The following PRKG1 variants were observed in gnomAD, a reference collection of about 807,000 sequenced individuals.
PRKG1 encodes the protein cGMP-dependent protein kinase 1.
PRKG1 carries 35 observed loss-of-function variants against 88.1 expected under a neutral mutation model. That is an observed-to-expected ratio of 0.40 (90% CI 0.30 to 0.53). The LOEUF (loss-of-function observed/expected upper bound fraction) is 0.53, where lower values mean the gene tolerates loss of function less well. PRKG1 is among the 20% of genes least tolerant of loss of function. PRKG1 has a pLI of 0.59. For synonymous variants in PRKG1, 303 were observed against 292.5 expected (o/e 1.04, Z -0.37); for missense variants, 540 against 839.8 (o/e 0.64, Z 4.41).
At chr10:51,084,713 C>A (rs933014545) in intron 1 of PRKG1, among the ~76,000 whole-genome samples, 42 of 152,084 alleles carry the variant, frequency 2.8e-4, no homozygotes, top group African/African-American at 9.9e-4. Context: ...TATTTAGTGT[C>A]ATTTTCTCAC....
intron 3 of PRKG1, among the ~76,000 whole-genome samples, chr10:51,719,466 T>G (rs1762515730): frequency 6.6e-6 from 1 of 152,174 alleles, no homozygotes; most frequent in South Asian, 2.1e-4. Context: ...TGAGGGACAT[T>G]ATACAAAATA....
At chr10:51,787,489 A>G (rs764351762) in intron 3 of PRKG1, among the ~76,000 whole-genome samples, 3 of 152,170 alleles carry the variant, frequency 2.0e-5, no homozygotes, top group Non-Finnish European at 4.4e-5. Context: ...ATTACCCAGC[A>G]TGGTAGTTCC....
At chr10:52,279,811 A>G (rs1474390904) in intron 12 of PRKG1, among the ~76,000 whole-genome samples, 2 of 152,042 alleles carry the variant, frequency 1.3e-5, no homozygotes, top group Non-Finnish European at 2.9e-5. Context: ...TGATGTTCAC[A>G]CTAATATTTT....
Position 51,413,321 on chromosome 10 carries a change from A to G in PRKG1, c.479-54402A>G, listed in dbSNP as rs958154297. Among the ~76,000 whole-genome samples the G allele has an allele frequency of 3.3e-5, 5 of 151,838 alleles. No individual in the cohort carries two copies. The Admixed American group carries it at 3.3e-4, about 10-fold the overall frequency. On this transcript the variant is annotated intron_variant, in intron 2 of 17. Coordinates refer to ENST00000373980, the MANE Select transcript of PRKG1 (RefSeq NM_006258.4). ...AGTTATAACTTAAGCCCTTATTAGA[A>G]AGCACCTTCTCTTAAAAAAAATGTT...
intron 2 of PRKG1, among the ~76,000 whole-genome samples, chr10:51,220,374 GT>G (rs1423712502): frequency 2.0e-5 from 3 of 152,132 alleles, no homozygotes; most frequent in Non-Finnish European, 2.9e-5. Flanking sequence ...AAGCCACTAG[GT>G]TTCCATGAAT....
chr10:51,151,688 T>C (rs1460175300), intron 1 of PRKG1, among the ~76,000 whole-genome samples: 1 of 152,006 alleles, frequency 6.6e-6, no homozygotes, highest in African/African-American at 2.4e-5. Context: ...ACACTCCTCA[T>C]AAACAAAATT....
chr10:51,205,971 G>T (rs1176584813), intron 2 of PRKG1, among the ~76,000 whole-genome samples: 1 of 152,156 alleles, frequency 6.6e-6, no homozygotes, highest in Non-Finnish European at 1.5e-5. Flanking sequence ...GTAAACATGT[G>T]TGGATGGGTG....
chr10:51,527,647 T>C (rs1482748231), intron 3 of PRKG1, among the ~76,000 whole-genome samples: 1 of 152,204 alleles, frequency 6.6e-6, no homozygotes, highest in Non-Finnish European at 1.5e-5. Context: ...TTCTAGACGT[T>C]ATAGAGCGAT....
At chr10:52,208,421 A>G in intron 9 of PRKG1, among the ~76,000 whole-genome samples, 1 of 152,332 alleles carries the variant, frequency 6.6e-6, no homozygotes, top group Admixed American at 6.5e-5. Context: ...TAGCATAAAT[A>G]CTTTTTCTCT....
chr10:51,635,547 T>G (rs891429948), intron 3 of PRKG1, among the ~76,000 whole-genome samples: 1 of 152,154 alleles, frequency 6.6e-6, no homozygotes, highest in African/African-American at 2.4e-5. Context: ...AGGCACCTTT[T>G]GACCATACTT....
Position 51,150,305 on chromosome 10 carries a change from A to G in PRKG1, c.312-2859A>G, listed in dbSNP as rs183687318. 4.4e-3 allele frequency among the ~76,000 whole-genome samples: 664 copies of G among 152,204 alleles called. 10 individuals are homozygous for G. Among genetic ancestry groups the G allele is most frequent in the African/African-American group, 0.016 (646 of 41,530 alleles). ...ATCTTAGTTACAGTGAGTGTCTTAG[A>G]CCATTTCTTTGGGGAAAGAAAGGGA... On this transcript the variant is annotated intron_variant, in intron 1 of 17. Transcript: ENST00000373980.
At chr10:51,279,039 G>A (rs1370335266) in intron 2 of PRKG1, among the ~76,000 whole-genome samples, 1 of 152,012 alleles carries the variant, frequency 6.6e-6, no homozygotes, top group East Asian at 1.9e-4. Context: ...TCTTTTAATT[G>A]CAATGTTAGG....
intron 3 of PRKG1, among the ~76,000 whole-genome samples, chr10:51,664,915 A>T (rs1355712464): frequency 6.6e-6 from 1 of 152,168 alleles, no homozygotes; most frequent in Non-Finnish European, 1.5e-5. Context: ...GGATAGCTTC[A>T]TTATTGTTAT....
chr10:51,022,536 T>C (rs1170540474), intron 1 of PRKG1, among the ~76,000 whole-genome samples: 2 of 152,146 alleles, frequency 1.3e-5, no homozygotes, highest in African/African-American at 2.4e-5. Context: ...GCAGTGGGCT[T>C]TTCCCAAAGA....
chr10:51,964,262 G>C (rs1159061070), intron 5 of PRKG1, among the ~76,000 whole-genome samples: 1 of 152,070 alleles, frequency 6.6e-6, no homozygotes, highest in Non-Finnish European at 1.5e-5. Context: ...AAATCCCTTT[G>C]CCAAGTAAAG....
At chr10:51,440,594 A>C (rs1173236039) in intron 2 of PRKG1, among the ~76,000 whole-genome samples, 2 of 151,924 alleles carry the variant, frequency 1.3e-5, no homozygotes, top group African/African-American at 4.8e-5. Context: ...ATCAAAATTC[A>C]ATTATGGTAT....
At chr10:52,045,297 G>A (rs996108298) in intron 5 of PRKG1, among the ~76,000 whole-genome samples, 4 of 151,784 alleles carry the variant, frequency 2.6e-5, no homozygotes, top group East Asian at 3.9e-4. Flanking sequence ...CAACCTAAGG[G>A]CTTTAAATAC....
At chr10:52,224,356 T>G (rs950226308) in intron 9 of PRKG1, among the ~76,000 whole-genome samples, 1 of 152,116 alleles carries the variant, frequency 6.6e-6, no homozygotes, top group Non-Finnish European at 1.5e-5. Flanking sequence ...TCCTTCTCAA[T>G]TGGACCTTCT....
intron 2 of PRKG1, among the ~76,000 whole-genome samples, chr10:51,243,502 C>T (rs1034212076): frequency 6.6e-6 from 1 of 152,116 alleles, no homozygotes; most frequent in Non-Finnish European, 1.5e-5. Flanking sequence ...TACCTAGTTC[C>T]CCATGTTCTT....
Sources: allele counts gnomAD v4.1 joint callset (sites outside exome capture counted in the v4.1 genomes callset), GRCh38; gene constraint gnomAD v4.1.1; transcripts MANE v1.5; gene names NCBI Gene and HGNC (gene_info 2026-07-23, HGNC 2026-07-21).